LRMDA: variants seen among roughly 807,000 people sequenced by gnomAD.
LRMDA encodes leucine rich melanocyte differentiation associated.
LRMDA carries 18 observed loss-of-function variants against 29.8 expected under a neutral mutation model. The observed-to-expected ratio is 0.60, with a 90% CI of 0.42 to 0.90. The LOEUF (loss-of-function observed/expected upper bound fraction) is 0.90, where lower values mean the gene tolerates loss of function less well. LRMDA is among the 40% of genes least tolerant of loss of function. The pLI is 0.00. For synonymous variants in LRMDA, 125 were observed against 109.4 expected (o/e 1.14, Z -0.89); for missense variants, 273 against 273.9 (o/e 1.00, Z 0.02).
At chr10:76,360,112 C>T (rs996464304) in intron 6 of LRMDA, among the ~76,000 whole-genome samples, 1 of 152,148 alleles carries the variant, frequency 6.6e-6, no homozygotes, top group Non-Finnish European at 1.5e-5. Context: ...CCTCAGCCTC[C>T]TGAGTAGCTG....
chr10:75,553,121 G>T (rs552054589), intron 2 of LRMDA, among the ~76,000 whole-genome samples: 5 of 152,128 alleles, frequency 3.3e-5, no homozygotes, highest in Middle Eastern at 3.4e-3. Flanking sequence ...GATAATTTTT[G>T]ATTCAATGCC....
chr10:76,260,976 A>G (rs541470208), intron 5 of LRMDA: 2 of 152,044 alleles, frequency 1.3e-5, no homozygotes, highest in South Asian at 2.1e-4. Context: ...TAGCAACCCT[A>G]CTGGAAAGAG....
intron 5 of LRMDA, among the ~76,000 whole-genome samples, chr10:76,221,964 A>G (rs201146302): frequency 0.2 from 29,553 of 149,796 alleles, 3,350 homozygotes; most frequent in East Asian, 0.55. Flanking sequence ...AAATAACGCC[A>G]CGTATCTACA....
chr10:76,248,139 C>T (rs1328456354), intron 5 of LRMDA, among the ~76,000 whole-genome samples: 6 of 152,122 alleles, frequency 3.9e-5, no homozygotes, highest in Non-Finnish European at 7.4e-5. Flanking sequence ...TTTTGACTCC[C>T]AAGAGTCATT....
intron 2 of LRMDA, among the ~76,000 whole-genome samples, chr10:75,813,026 G>T (rs1331627398): frequency 6.6e-6 from 1 of 152,150 alleles, no homozygotes; most frequent in Admixed American, 6.5e-5. Context: ...AGAGTCCAGA[G>T]CTTCCTAGAT....
intron 5 of LRMDA, among the ~76,000 whole-genome samples, chr10:76,297,267 T>A (rs776922105): frequency 6.6e-5 from 10 of 152,362 alleles, no homozygotes; most frequent in South Asian, 6.2e-4. Context: ...TCAGGGTGGC[T>A]AACCACTATT....
intron 2 of LRMDA, among the ~76,000 whole-genome samples, chr10:75,888,422 C>T (rs906251557): frequency 6.6e-6 from 1 of 152,080 alleles, no homozygotes; most frequent in African/African-American, 2.4e-5. Context: ...TACACTGAAC[C>T]GTTGTCACTA....
intron 5 of LRMDA, among the ~76,000 whole-genome samples, chr10:76,096,535 C>A (rs1849314006): frequency 6.6e-6 from 1 of 152,038 alleles, no homozygotes; most frequent in Non-Finnish European, 1.5e-5. Context: ...ATTTTGAAAT[C>A]AAGTAGTAGA....
At chr10:75,612,620 TTTAC>T (rs956529978) in intron 2 of LRMDA, among the ~76,000 whole-genome samples, 1 of 148,590 alleles carries the variant, frequency 6.7e-6, no homozygotes, top group Non-Finnish European at 1.5e-5. Context: ...TGCTTATTTA[TTTAC>T]TTATTTTATT....
intron 5 of LRMDA, among the ~76,000 whole-genome samples, chr10:76,190,798 T>A (rs1167568266): frequency 2.0e-5 from 3 of 152,272 alleles, no homozygotes; most frequent in African/African-American, 7.2e-5. Flanking sequence ...TTAATAGGCC[T>A]TCCAAAACAC....
intron 2 of LRMDA, among the ~76,000 whole-genome samples, chr10:75,894,616 T>C (rs1176884209): frequency 2.0e-5 from 3 of 152,098 alleles, no homozygotes; most frequent in African/African-American, 7.2e-5. Flanking sequence ...AACCACTGCT[T>C]TGGAAGGATA....
intron 2 of LRMDA, among the ~76,000 whole-genome samples, chr10:75,487,119 G>T (rs1181086062): frequency 6.6e-6 from 1 of 152,198 alleles, no homozygotes; most frequent in Non-Finnish European, 1.5e-5. Flanking sequence ...ATGATGTGTG[G>T]TTGGTAGGAA....
chr10:76,549,453 C>T (rs1843468032), intron 6 of LRMDA, among the ~76,000 whole-genome samples: 2 of 152,198 alleles, frequency 1.3e-5, no homozygotes, highest in South Asian at 2.1e-4. Context: ...GCATTGGAGT[C>T]AAATGCCCTC....
intron 2 of LRMDA, among the ~76,000 whole-genome samples, chr10:75,894,732 C>T (rs1845555056): frequency 6.6e-6 from 1 of 152,130 alleles, no homozygotes; most frequent in Non-Finnish European, 1.5e-5. Flanking sequence ...TGGTACCATG[C>T]CCCTTTGCTG....
At chr10:75,644,193 C>G (rs1841487948) in intron 2 of LRMDA, among the ~76,000 whole-genome samples, 1 of 152,088 alleles carries the variant, frequency 6.6e-6, no homozygotes, top group Admixed American at 6.5e-5. Context: ...AAAGCTTTTT[C>G]CTTGCTGGGA....
At chr10:75,550,268 A>G (rs766922220) in intron 2 of LRMDA, among the ~76,000 whole-genome samples, 2 of 152,074 alleles carry the variant, frequency 1.3e-5, no homozygotes, top group Non-Finnish European at 2.9e-5. Flanking sequence ...TCTACTTTTT[A>G]TATAAATTAC....
intron 6 of LRMDA, among the ~76,000 whole-genome samples, chr10:76,465,122 A>G (rs182673874): frequency 1.6e-4 from 24 of 152,314 alleles, no homozygotes; most frequent in Admixed American, 4.6e-4. Flanking sequence ...CTCTCCATTC[A>G]GTGCTAGAAT....
chr10:76,554,959 A>G (rs1209105858), intron 6 of LRMDA, among the ~76,000 whole-genome samples: 1 of 152,084 alleles, frequency 6.6e-6, no homozygotes, highest in Non-Finnish European at 1.5e-5. Context: ...TCTTTATGAC[A>G]TCCGACAGAC....
rs552937309 is a variant in LRMDA at position 76,478,374 on chromosome 10, G to A, written c.602-78835G>A. Among the ~76,000 whole-genome samples, 1,398 of 152,086 alleles carry A rather than the reference G, an allele frequency of 9.2e-3. 18 individuals are homozygous for A. Among genetic ancestry groups the A allele is most frequent in the African/African-American group, 0.032 (1,337 of 41,508 alleles). ...ACCATCTCACACCAGTTCGAATGTC[G>A]ATCATTAAAAAGTCAGGAAACAACA... On this transcript the variant is annotated intron_variant, in intron 6 of 6. Transcript: ENST00000611255.
Sources: gnomAD v4.1 joint callset for allele counts (sites outside exome capture counted in the v4.1 genomes callset) on GRCh38, gnomAD v4.1.1 for gene constraint, MANE v1.5 for transcripts, NCBI Gene and HGNC (gene_info 2026-07-23, HGNC 2026-07-21) for gene names.